Variants in MAP2K5 observed in about 807,000 individuals in gnomAD.
MAP2K5 encodes dual specificity mitogen-activated protein kinase kinase 5.
In MAP2K5, 49 loss-of-function variants were observed where a neutral mutation model predicts 83.1. The ratio of observed to expected loss-of-function variants is 0.59; its 90% CI spans 0.47 to 0.75. The LOEUF (loss-of-function observed/expected upper bound fraction) is 0.75, where lower values mean the gene tolerates loss of function less well. MAP2K5 is among the 30% of genes least tolerant of loss of function. MAP2K5 has a pLI of 0.00. For synonymous variants in MAP2K5, 202 were observed against 191.8 expected (o/e 1.05, Z -0.44); for missense variants, 457 against 557.5 (o/e 0.82, Z 1.82).
rs2090359321 is a variant in MAP2K5, at chr15:67,783,228, A to G, written c.1242+10476A>G. Among the ~76,000 whole-genome samples the G allele has an allele frequency of 6.6e-6, 1 of 152,198 alleles. No individual in the cohort carries two copies. Among genetic ancestry groups the G allele is most frequent in the Non-Finnish European group, 1.5e-5 (1 of 68,036 alleles). ...AGTCCTGACCCCCCAGCCAGCTCAC[A>G]GTCCAGTGAGGAAGGTGAGGGTAGA... On this transcript the variant is annotated intron_variant, in intron 21 of 21. Transcript: ENST00000178640. The surrounding 1 kb of genome is among the most constrained non-coding windows in gnomAD (Gnocchi z 5.1).
Position 67,731,472 on chromosome 15 carries a change from G to T in MAP2K5, c.1074+3527G>T, listed in dbSNP as rs187540672. Among the ~76,000 whole-genome samples the T allele has an allele frequency of 7.2e-5, 11 of 152,230 alleles. No individual in the cohort carries two copies. The East Asian group carries it at 1.5e-3, about 21-fold the overall frequency. On this transcript the variant is annotated intron_variant, in intron 17 of 21. Transcript: ENST00000178640. ...CTGTTTTAGTTTCCTTTAGGCCTTT[G>T]GGTTGCATAACTTCCTTGGCATGCA...
At chr15:67,550,138 G>C (rs1428628957) in intron 2 of MAP2K5, 56 bp downstream of exon 2, 2 of 1,369,494 alleles carry the variant, frequency 1.5e-6, no homozygotes, top group African/African-American at 1.4e-5. Flanking sequence ...ATTTTTTAAA[G>C]GGTTTATGGG....
intron 6 of MAP2K5, 142 bp from the exon 7 acceptor site, chr15:67,592,784 A>C: frequency 1.5e-6 from 1 of 647,762 alleles, no homozygotes. Context: ...TTACTTTTGA[A>C]AAAAATTTAC....
intron 2 of MAP2K5, among the ~76,000 whole-genome samples, chr15:67,550,589 G>C (rs986070509): frequency 1.3e-5 from 2 of 152,174 alleles, no homozygotes; most frequent in Admixed American, 6.5e-5. Context: ...GACAGGGCCA[G>C]GGTGACCTGG....
In MAP2K5 at chr15:67,744,370, T is replaced by G. The variant is rs539551165; in HGVS notation, c.1075-3861T>G. Among the ~76,000 whole-genome samples, 3 of 152,356 alleles carry G rather than the reference T, an allele frequency of 2.0e-5. No individual in the cohort carries two copies. The South Asian group carries it at 6.2e-4, about 32-fold the overall frequency. On this transcript the variant is annotated intron_variant, in intron 17 of 21. Transcript: ENST00000178640. ...AAAAATTCCAACCATATGATTTAATTTTATATTTCTTCTTTCTATTTAAGA... is the reference window on the plus strand; with the variant it reads ...AAAAATTCCAACCATATGATTTAATGTTATATTTCTTCTTTCTATTTAAGA...
intron 13 of MAP2K5, among the ~76,000 whole-genome samples, chr15:67,675,468 A>T (rs573151433): frequency 6.6e-6 from 1 of 152,154 alleles, no homozygotes; most frequent in African/African-American, 2.4e-5. Context: ...AATGTTTACA[A>T]TGGAGCAAGA....
rs557015423 is a variant in MAP2K5 at position 67,674,349 on chromosome 15, G to A, written c.847+9704G>A. Among the ~76,000 whole-genome samples, 16 of 152,180 alleles carry A rather than the reference G, an allele frequency of 1.1e-4. No individual in the cohort carries two copies. In the East Asian group the frequency reaches 2.7e-3, roughly 26 times the overall value. On this transcript the variant is annotated intron_variant, in intron 13 of 21. Coordinates refer to ENST00000178640, the MANE Select transcript of MAP2K5 (RefSeq NM_145160.3). ...TGTTATACAAGTGCTAGTGTTGAGAGCACAGTTAACATCCTATCTCCTGTG... is the reference window on the plus strand; with the variant it reads ...TGTTATACAAGTGCTAGTGTTGAGAACACAGTTAACATCCTATCTCCTGTG...
chr15:67,556,687 G>C (rs1197568463), intron 2 of MAP2K5, among the ~76,000 whole-genome samples: 1 of 151,868 alleles, frequency 6.6e-6, no homozygotes, highest in East Asian at 1.9e-4. Flanking sequence ...TAGTAGCTGG[G>C]ATTACAGGTG....
chr15:67,799,357 G>C lies in MAP2K5; in HGVS notation c.1243-7289G>C, dbSNP rs565690587. On this transcript the variant is annotated intron_variant, in intron 21 of 21. Transcript: ENST00000178640. Reference sequence around the variant, plus strand: ...CTGTGCCCTCAAGTGCAGGACCTGTGCTCTGTGTGGAGGAATAACCCTCAC... The same window carrying C: ...CTGTGCCCTCAAGTGCAGGACCTGTCCTCTGTGTGGAGGAATAACCCTCAC... 3.3e-4 allele frequency among the ~76,000 whole-genome samples: 51 copies of C among 152,366 alleles called. 2 individuals carry two copies. In the South Asian group the frequency reaches 3.5e-3, roughly 11 times the overall value.
intron 11 of MAP2K5, among the ~76,000 whole-genome samples, chr15:67,650,515 G>GTT (rs35510441): frequency 0.43 from 61,698 of 144,750 alleles, 13,736 homozygotes; most frequent in Non-Finnish European, 0.51. Context: ...AGTTTGTTGA[G>GTT]TTTTTTTTTT....
At chr15:67,707,949 A>T (rs997660388) in intron 16 of MAP2K5, among the ~76,000 whole-genome samples, 1 of 152,094 alleles carries the variant, frequency 6.6e-6, no homozygotes, top group African/African-American at 2.4e-5. Context: ...CTCCTAGGGT[A>T]CCTGTGGTAA....
At chr15:67,630,982 C>T (rs1042431678) in intron 9 of MAP2K5, 55 bp downstream of exon 9, 7 of 1,361,698 alleles carry the variant, frequency 5.1e-6, no homozygotes, top group Non-Finnish European at 7.3e-6. Context: ...TTCCTTTCCT[C>T]TGTTAGCTTG....
At chr15:67,752,184 G>A (rs1194569754) in intron 19 of MAP2K5, among the ~76,000 whole-genome samples, 3 of 151,908 alleles carry the variant, frequency 2.0e-5, no homozygotes. Flanking sequence ...TCCTGTCCCA[G>A]CCTCCCGAGT....
intron 9 of MAP2K5, among the ~76,000 whole-genome samples, chr15:67,632,509 A>G (rs1197444413): frequency 6.6e-6 from 1 of 152,234 alleles, no homozygotes; most frequent in Non-Finnish European, 1.5e-5. Context: ...CAAAGATCAC[A>G]GAGTTGGAAG....
chr15:67,605,412 T>G (rs967244607), intron 8 of MAP2K5, among the ~76,000 whole-genome samples: 1 of 152,216 alleles, frequency 6.6e-6, no homozygotes, highest in Non-Finnish European at 1.5e-5. Flanking sequence ...GAACTAACTT[T>G]GAGAAATTCT....
chr15:67,703,590 T>C (rs903226415), intron 16 of MAP2K5, among the ~76,000 whole-genome samples, 182 bp downstream of exon 16: 5 of 152,236 alleles, frequency 3.3e-5, no homozygotes, highest in Non-Finnish European at 5.9e-5. Flanking sequence ...CTGGAGGTTA[T>C]TTTAAAGCAC....
At chr15:67,731,445 C>G (rs2089218508) in intron 17 of MAP2K5, among the ~76,000 whole-genome samples, 1 of 152,164 alleles carries the variant, frequency 6.6e-6, no homozygotes, top group Non-Finnish European at 1.5e-5. Flanking sequence ...TATTTGAAAG[C>G]ACTGTTTTAG....
intron 21 of MAP2K5, 131 bp downstream of exon 21, chr15:67,772,883 G>A (rs1173573567): frequency 8.3e-6 from 5 of 601,080 alleles, no homozygotes; most frequent in African/African-American, 7.7e-5. Flanking sequence ...ACTTCATTTG[G>A]GTAGATGTTT....
At chr15:67,678,962 C>CAAA (rs35828534) in intron 13 of MAP2K5, among the ~76,000 whole-genome samples, 22,299 of 115,520 alleles carry the variant, frequency 0.19, 3,022 homozygotes, top group East Asian at 0.45. Flanking sequence ...CACTGCATCT[C>CAAA]AAAAAAAAAA....
Sources: allele counts gnomAD v4.1 joint callset (sites outside exome capture counted in the v4.1 genomes callset), GRCh38; gene constraint gnomAD v4.1.1; non-coding constraint Gnocchi (gnomAD v3.1); transcripts MANE v1.5; gene names NCBI Gene and HGNC (gene_info 2026-07-23, HGNC 2026-07-21).